The following ETV6 variants were observed in gnomAD, a reference collection of about 807,000 sequenced individuals.
The protein encoded by ETV6 is ETS variant transcription factor 6, also known as transcription factor ETV6.
Under a neutral mutation model 51.1 loss-of-function variants are expected in ETV6, and 16 were observed. The ratio of observed to expected loss-of-function variants is 0.31; its 90% CI spans 0.21 to 0.48. The LOEUF is 0.48. ETV6 is among the 20% of genes least tolerant of loss of function. The pLI is 0.99. For synonymous variants in ETV6, 240 were observed against 224.1 expected, an observed-to-expected ratio of 1.07 and a Z score of -0.64; for missense variants, 458 against 594.8, an observed-to-expected ratio of 0.77 and a Z score of 2.39.
At chr12:11,742,386 C>A (rs1486679725) in intron 1 of ETV6, among the ~76,000 whole-genome samples, 1 of 152,152 alleles carries the variant, frequency 6.6e-6, no homozygotes, top group Non-Finnish European at 1.5e-5. Context: ...TTTCTGAGTC[C>A]CTATTCCTAA....
intron 7 of ETV6, 112 bp from the exon 8 acceptor site, chr12:11,890,826 AGCT>A: frequency 1.2e-6 from 1 of 801,310 alleles, no homozygotes; most frequent in African/African-American, 1.7e-5. Flanking sequence ...GGGGTTCAGT[AGCT>A]CTCCAGCTGT....
intron 3 of ETV6, among the ~76,000 whole-genome samples, chr12:11,851,630 G>C (rs1263537854): frequency 1.3e-5 from 2 of 152,168 alleles, no homozygotes; most frequent in East Asian, 3.8e-4. Context: ...GCATCTTCCT[G>C]CCCATCTCCT....
At chr12:11,859,576 C>T (rs1946684000) in intron 4 of ETV6, among the ~76,000 whole-genome samples, 2 of 152,180 alleles carry the variant, frequency 1.3e-5, no homozygotes, top group South Asian at 4.1e-4. Flanking sequence ...GATATTATTA[C>T]CTCCACTTTA....
At chr12:11,660,431 C>A (rs1043857964) in intron 1 of ETV6, among the ~76,000 whole-genome samples, 1 of 151,852 alleles carries the variant, frequency 6.6e-6, no homozygotes, top group South Asian at 2.1e-4. Context: ...ATGGTGAAAC[C>A]CTGTCTCTAC....
chr12:11,789,866 C>T (rs1403395543), intron 2 of ETV6, among the ~76,000 whole-genome samples: 1 of 152,062 alleles, frequency 6.6e-6, no homozygotes, highest in East Asian at 1.9e-4. Flanking sequence ...TTTTATTCCC[C>T]AGATTCTGCA....
rs190716457 is a variant in ETV6, at chr12:11,812,110, G to A, written c.164-27030G>A. Among the ~76,000 whole-genome samples, 365 of 152,244 alleles carry A rather than the reference G, an allele frequency of 2.4e-3. 3 individuals are homozygous for A. Among genetic ancestry groups the A allele is most frequent in the African/African-American group, 8.4e-3 (349 of 41,530 alleles). ...CTGTAAAATATGCTACATGTAATAA[G>A]ATATTTATTAGGAGTCTTCTTGCAC... On this transcript the variant is annotated intron_variant, in intron 2 of 7. Transcript: ENST00000396373.
intron 1 of ETV6, among the ~76,000 whole-genome samples, chr12:11,730,943 G>A (rs1865584040): frequency 1.3e-5 from 2 of 152,158 alleles, no homozygotes; most frequent in South Asian, 4.1e-4. Flanking sequence ...CCAGTGACAT[G>A]TTCCCCAGTG....
At chr12:11,679,177 A>G (rs1469890773) in intron 1 of ETV6, among the ~76,000 whole-genome samples, 1 of 152,222 alleles carries the variant, frequency 6.6e-6, no homozygotes, top group Non-Finnish European at 1.5e-5. Flanking sequence ...CTGAGTGTGC[A>G]GGAAATAAGG....
chr12:11,890,586 C>G (rs1591754712), intron 7 of ETV6, among the ~76,000 whole-genome samples: 1 of 135,540 alleles, frequency 7.4e-6, no homozygotes, highest in Non-Finnish European at 1.6e-5. Context: ...CACCACCGTA[C>G]CCAGATTTTT....
chr12:11,709,542 T>C (rs1315262138), intron 1 of ETV6, among the ~76,000 whole-genome samples: 2 of 152,336 alleles, frequency 1.3e-5, no homozygotes, highest in Non-Finnish European at 2.9e-5. Flanking sequence ...AATTGTGATA[T>C]AGGATCTCTG....
At chr12:11,824,170 C>T (rs1157189672) in intron 2 of ETV6, among the ~76,000 whole-genome samples, 1 of 152,152 alleles carries the variant, frequency 6.6e-6, no homozygotes, top group Non-Finnish European at 1.5e-5. Flanking sequence ...TCTCAGAATC[C>T]CCACGGAAGA....
At chr12:11,816,246 T>TTTG (rs374969356) in intron 2 of ETV6, among the ~76,000 whole-genome samples, 17 of 152,110 alleles carry the variant, frequency 1.1e-4, no homozygotes, top group Admixed American at 2.0e-4. Flanking sequence ...GCTTTATGTT[T>TTTG]TTGTTGTTGT....
chr12:11,836,728 C>T (rs939678312), intron 2 of ETV6, among the ~76,000 whole-genome samples: 1 of 152,088 alleles, frequency 6.6e-6, no homozygotes, highest in Non-Finnish European at 1.5e-5. Context: ...GCAGCGTGTC[C>T]TCTGCAGAAA....
At chr12:11,758,304 G>T (rs1945035381) in intron 2 of ETV6, among the ~76,000 whole-genome samples, 1 of 152,134 alleles carries the variant, frequency 6.6e-6, no homozygotes, top group Admixed American at 6.5e-5. Context: ...ATAGTGCCTG[G>T]CCTGCAGTGG....
In ETV6 at chr12:11,850,659, C is replaced by T. The variant is rs931602677; in HGVS notation, c.329-2768C>T. Among the ~76,000 whole-genome samples the T allele has an allele frequency of 1.1e-4, 16 of 152,316 alleles. 1 individual carries two copies. The highest frequency in any genetic ancestry group is 3.4e-3 in the Middle Eastern group (1 of 294). ...TGTTACATAGACCATCTTATTGAAT[C>T]GTTACAACGATCTCACAAGGTAGAT... On this transcript the variant is annotated intron_variant, in intron 3 of 7. Transcript: ENST00000396373.
chr12:11,690,267 C>A (rs548215770), intron 1 of ETV6, among the ~76,000 whole-genome samples: 1 of 151,808 alleles, frequency 6.6e-6, no homozygotes, highest in South Asian at 2.1e-4. Context: ...TGTCCTTTCT[C>A]CCCCTTCCTC....
At chr12:11,801,079 C>G (rs555027101) in intron 2 of ETV6, among the ~76,000 whole-genome samples, 53 of 152,224 alleles carry the variant, frequency 3.5e-4, no homozygotes, top group African/African-American at 1.2e-3. Context: ...CTTTATTCAT[C>G]GAAAATTTGT....
At chr12:11,801,095 C>T (rs890155044) in intron 2 of ETV6, among the ~76,000 whole-genome samples, 1 of 152,184 alleles carries the variant, frequency 6.6e-6, no homozygotes, top group African/African-American at 2.4e-5. Context: ...TTTGTCCTCA[C>T]TCATCCCATG....
chr12:11,651,836 C>T (rs1335662112), intron 1 of ETV6, among the ~76,000 whole-genome samples: 3 of 152,100 alleles, frequency 2.0e-5, no homozygotes, highest in African/African-American at 7.2e-5. Flanking sequence ...AACTTTAGGG[C>T]AAAAACAACA....
Sources: allele counts gnomAD v4.1 joint callset (sites outside exome capture counted in the v4.1 genomes callset), GRCh38; gene constraint gnomAD v4.1.1; transcripts MANE v1.5; gene names NCBI Gene and HGNC (gene_info 2026-07-23, HGNC 2026-07-21).